KHDC1: variants seen among roughly 807,000 people sequenced by gnomAD.
The protein encoded by KHDC1 is KH homology domain-containing protein 1.
In KHDC1, 21 loss-of-function variants were observed where a neutral mutation model predicts 24.7. That is an observed-to-expected ratio of 0.85 (90% CI 0.60 to 1.23). The LOEUF (loss-of-function observed/expected upper bound fraction) is 1.23. KHDC1 is among the 50% of genes most tolerant of loss of function. KHDC1 has a pLI of 0.00. For synonymous variants in KHDC1, 98 were observed against 111.7 expected, an observed-to-expected ratio of 0.88 and a Z score of 0.77; for missense variants, 274 against 298.5, an observed-to-expected ratio of 0.92 and a Z score of 0.61.
chr6:73,284,724 T>G (rs142597786), intron 2 of KHDC1: 1 of 152,310 alleles, frequency 6.6e-6, no homozygotes, highest in East Asian at 1.9e-4. Context: ...CCTGCCAGGC[T>G]CAAACTCCAG....
chr6:73,246,601 G>T (rs1766669411), intron 2 of KHDC1, among the ~76,000 whole-genome samples: 1 of 152,060 alleles, frequency 6.6e-6, no homozygotes, highest in Non-Finnish European at 1.5e-5. Flanking sequence ...AAATGACAAA[G>T]ACATTTTCTT....
At chr6:73,262,034 G>A (rs1766990210) in intron 2 of KHDC1, among the ~76,000 whole-genome samples, 1 of 151,910 alleles carries the variant, frequency 6.6e-6, no homozygotes, top group East Asian at 1.9e-4. Context: ...AGCCATGATG[G>A]TGCCACAGCC....
At chr6:73,243,952 T>G (rs1010647891) in intron 2 of KHDC1, among the ~76,000 whole-genome samples, 1 of 152,182 alleles carries the variant, frequency 6.6e-6, no homozygotes, top group African/African-American at 2.4e-5. Context: ...TTGGACCGCC[T>G]TTTCTAGTAG....
intron 2 of KHDC1, chr6:73,274,348 C>T (rs1034205116): frequency 3.9e-5 from 6 of 152,220 alleles, no homozygotes; most frequent in African/African-American, 1.4e-4. Context: ...CAATCATCCT[C>T]ATTCTAATGT....
chr6:73,306,804 C>A (rs1353284108), intron 1 of KHDC1, among the ~76,000 whole-genome samples: 1 of 151,538 alleles, frequency 6.6e-6, no homozygotes, highest in East Asian at 1.9e-4. Flanking sequence ...GTCAAGAGAT[C>A]GAGACCATCC....
chr6:73,290,532 G>T, intron 2 of KHDC1: 1 of 427,430 alleles, frequency 2.3e-6, no homozygotes, highest in Non-Finnish European at 4.5e-6. Flanking sequence ...TTTCTAACAA[G>T]ATCCAAAGTC....
intron 2 of KHDC1, among the ~76,000 whole-genome samples, chr6:73,259,427 A>G (rs2150564569): frequency 6.6e-6 from 1 of 151,892 alleles, no homozygotes; most frequent in East Asian, 1.9e-4. Flanking sequence ...TTCCTGAATA[A>G]CTAGGACTAC....
chr6:73,271,175 T>C (rs1255165972), intron 2 of KHDC1, among the ~76,000 whole-genome samples: 1 of 152,106 alleles, frequency 6.6e-6, no homozygotes, highest in Admixed American at 6.6e-5. Context: ...TTTTGAAATA[T>C]ATAGACATGA....
intron 2 of KHDC1, among the ~76,000 whole-genome samples, chr6:73,247,673 A>T (rs1766692548): frequency 6.6e-6 from 1 of 152,028 alleles, no homozygotes; most frequent in African/African-American, 2.4e-5. Context: ...CCTAGCCAGC[A>T]TGGTGAAACC....
At chr6:73,265,088 A>C (rs985066441) in intron 2 of KHDC1, among the ~76,000 whole-genome samples, 5 of 152,136 alleles carry the variant, frequency 3.3e-5, no homozygotes, top group African/African-American at 4.8e-5. Context: ...TCACAGAACA[A>C]ATTTCTAAGA....
At chr6:73,287,564 C>T (rs780716765) in intron 2 of KHDC1, among the ~76,000 whole-genome samples, 10 of 152,146 alleles carry the variant, frequency 6.6e-5, no homozygotes, top group Non-Finnish European at 1.5e-4. Context: ...GAAGGAGAGG[C>T]CAGATCCCCA....
intron 2 of KHDC1, among the ~76,000 whole-genome samples, chr6:73,254,335 C>T (rs1766838967): frequency 6.6e-6 from 1 of 151,942 alleles, no homozygotes; most frequent in Non-Finnish European, 1.5e-5. Context: ...GTGGTGCGTG[C>T]CTGTTATCCC....
At chr6:73,244,593 A>G (rs1766629732) in intron 2 of KHDC1, among the ~76,000 whole-genome samples, 1 of 151,524 alleles carries the variant, frequency 6.6e-6, no homozygotes, top group Non-Finnish European at 1.5e-5. Context: ...TAAAAACTGC[A>G]TTAGTCAGTT....
chr6:73,241,668 G>T (rs769778458), exon 5 of KHDC1: 2 of 1,614,132 alleles, frequency 1.2e-6, no homozygotes, highest in Non-Finnish European at 1.7e-6. Flanking sequence ...CACACTAATG[G>T]AGGTGACCAG....
intron 2 of KHDC1, among the ~76,000 whole-genome samples, chr6:73,288,255 T>G (rs953138524): frequency 6.6e-6 from 1 of 152,212 alleles, no homozygotes; most frequent in Non-Finnish European, 1.5e-5. Context: ...ACACAACCTT[T>G]GATATGAGAT....
rs182402365 is a variant in KHDC1 at position 73,280,415 on chromosome 6, A to C, written c.206+11583T>G. ...TGGGCTCAAGCAATCAGCCCACCTCAGCCTCCCAAAGTGCTGAGATTACTG... is the reference window on the plus strand; with the variant it reads ...TGGGCTCAAGCAATCAGCCCACCTCCGCCTCCCAAAGTGCTGAGATTACTG... On this transcript the variant is annotated intron_variant, in intron 2 of 4. Transcript: ENST00000370384. 5.9e-5 allele frequency among the ~76,000 whole-genome samples: 9 copies of C among 151,910 alleles called. No individual in the cohort carries two copies. In the East Asian group the frequency reaches 1.7e-3, roughly 29 times the overall value.
chr6:73,263,023 G>T, intron 2 of KHDC1: 1 of 1,027,146 alleles, frequency 9.7e-7, no homozygotes, highest in Non-Finnish European at 1.2e-6. Flanking sequence ...CGCAGGCCTG[G>T]GCCACTCCCT....
exon 1 of KHDC1, chr6:73,309,803 A>G (rs919417836): frequency 5.5e-6 from 8 of 1,457,494 alleles, no homozygotes; most frequent in Non-Finnish European, 7.4e-6. Context: ...CGGCGGGAAG[A>G]GACCAGACAC....
At position 73,250,933 on chromosome 6, in the gene KHDC1, G is replaced by A. The variant is rs149152069; in HGVS notation, c.207-8403C>T. Among the ~76,000 whole-genome samples the A allele has an allele frequency of 4.2e-3, 636 of 152,150 alleles. 2 individuals are homozygous for A. The highest frequency in any genetic ancestry group is 0.017 in the Middle Eastern group (5 of 294). On this transcript the variant is annotated intron_variant, in intron 2 of 4. Coordinates refer to ENST00000370384, the Ensembl canonical transcript of KHDC1. Reference sequence around the variant, plus strand: ...TGGCTCACTGCAACCTCCACCTCCCGGGTTCAAGGAATTCTCCTGCCTCAG... The same window carrying A: ...TGGCTCACTGCAACCTCCACCTCCCAGGTTCAAGGAATTCTCCTGCCTCAG...
Sources: allele counts gnomAD v4.1 joint callset (sites outside exome capture counted in the v4.1 genomes callset), GRCh38; gene constraint gnomAD v4.1.1; transcripts MANE v1.5; gene names NCBI Gene and HGNC (gene_info 2026-07-23, HGNC 2026-07-21).